Variants in IKBIP observed in about 807,000 individuals in gnomAD.
IKBIP encodes IKBKB interacting protein.
IKBIP carries 28 observed loss-of-function variants against 31.0 expected under a neutral mutation model. That is an observed-to-expected ratio of 0.90 (90% CI 0.67 to 1.24). The LOEUF (loss-of-function observed/expected upper bound fraction) is 1.24, where lower values mean the gene tolerates loss of function less well. Among genes scored for constraint, IKBIP ranks in the 50% most tolerant of loss-of-function variants. IKBIP has a pLI of 0.00. For synonymous variants in IKBIP, 164 were observed against 160.3 expected (o/e 1.02, Z -0.17); for missense variants, 453 against 441.9 (o/e 1.03, Z -0.23).
Position 98,644,673 on chromosome 12 carries a change from G to A in IKBIP, c.29C>T (p.Ser10Leu), listed in dbSNP as rs1368575262. Residue 10 changes from serine to leucine, a missense_variant, in exon 1 of 3, where the codon TCG (serine) becomes TTG (leucine). By Grantham distance (145) the Ser-to-Leu change is moderately radical. Coordinates refer to ENST00000299157, the MANE Select transcript of IKBIP (RefSeq NM_153687.4). MSEVKSRKKSGPKGAPAAEP... is the reference protein window; with the variant it reads MSEVKSRKKLGPKGAPAAEP... The stretch of plus-strand genomic sequence containing the variant: ...CGCAGCAGGGGCTCCCTTGGGCCCC[G>A]ACTTCTTCCGGCTCTTCACCTCAGA... 2.5e-6 allele frequency: 4 copies of A among 1,610,260 alleles called. No homozygotes were observed. Among genetic ancestry groups the A allele is most frequent in the Non-Finnish European group, 3.4e-6 (4 of 1,179,030 alleles).
chr12:98,636,864 C>G (rs2097626136), intron 1 of IKBIP, among the ~76,000 whole-genome samples: 1 of 151,372 alleles, frequency 6.6e-6, no homozygotes, highest in African/African-American at 2.4e-5. Flanking sequence ...AGAGACCACC[C>G]TAAAGAAATA....
At chr12:98,614,245 A>ATTT in exon 3 of IKBIP, 1 of 1,612,988 alleles carries the variant, frequency 6.2e-7, no homozygotes, top group Non-Finnish European at 8.5e-7. Context: ...TATTGGACCA[A>ATTT]GTTTTTACCT....
Position 98,634,305 on chromosome 12 carries a change from AATT to A in IKBIP, c.285_287del (p.Leu95_Ile96delinsPhe), listed in dbSNP as rs1048517318. The A allele has an allele frequency of 1.3e-6, 2 of 1,502,446 alleles. No individual in the cohort carries two copies. The highest frequency in any genetic ancestry group is 3.4e-5 in the Admixed American group (2 of 59,232). 93.1% of individuals were successfully genotyped at this position (1,502,446 alleles called of 1,614,324 possible). A position where few individuals can be genotyped will look rare whatever the true frequency, so the allele number is the denominator to read the frequency against. On this transcript the variant is annotated inframe_deletion, in exon 2 of 3. Transcript: ENST00000299157. ...GCCAATTAATGATTACCTTTTCTGA[AATT>A]AAACTGATTTTACTTTGAAGTTGTT...
chr12:98,614,468 AG>A, intron 2 of IKBIP: 1 of 516,182 alleles, frequency 1.9e-6, no homozygotes, highest in Non-Finnish European at 3.1e-6. Flanking sequence ...TCTGTTACCC[AG>A]GATGGAGTGC....
At chr12:98,642,734 G>A (rs1250147983) in intron 1 of IKBIP, among the ~76,000 whole-genome samples, 1 of 149,954 alleles carries the variant, frequency 6.7e-6, no homozygotes, top group East Asian at 2.0e-4. Flanking sequence ...CTGAGTAGCT[G>A]GGATTACAGG....
Position 98,626,486 on chromosome 12 carries a change from TGCTCA to T in IKBIP, c.573_577del (p.Glu192GlyfsTer7). The T allele has an allele frequency of 6.2e-7, 1 of 1,613,546 alleles. No homozygotes were observed. Among genetic ancestry groups the T allele is most frequent in the African/African-American group, 1.3e-5 (1 of 75,076 alleles). ...CCGTTCAGTGAGCAATTTTATTTCC[TGCTCA>T]GCTGAGTTAATTTGGACAGTTACTT... On this transcript the variant is annotated frameshift_variant, in exon 3 of 3. Transcript: ENST00000299157. LOFTEE classifies it high-confidence loss of function.
chr12:98,627,030 G>A (rs931023948), intron 2 of IKBIP, among the ~76,000 whole-genome samples: 1 of 152,066 alleles, frequency 6.6e-6, no homozygotes, highest in African/African-American at 2.4e-5. Flanking sequence ...GTGCAGTGGA[G>A]CAACCTCAGC....
At chr12:98,618,087 T>G (rs1476428226) in intron 2 of IKBIP, among the ~76,000 whole-genome samples, 1 of 152,138 alleles carries the variant, frequency 6.6e-6, no homozygotes, top group Non-Finnish European at 1.5e-5. Flanking sequence ...TAAAAAAGCT[T>G]GAGTCCAGGA....
exon 3 of IKBIP, chr12:98,613,923 T>C: frequency 1.2e-6 from 2 of 1,613,800 alleles, no homozygotes; most frequent in Non-Finnish European, 1.7e-6. Flanking sequence ...ACAGAGTTAA[T>C]TCTTTGTGAA....
chr12:98,614,366 G>A (rs549163116), intron 2 of IKBIP: 3 of 1,241,120 alleles, frequency 2.4e-6, no homozygotes, highest in Non-Finnish European at 3.3e-6. Context: ...ATATCACAAT[G>A]ATTAAATGTA....
intron 1 of IKBIP, 31 bp downstream of exon 1, chr12:98,644,492 G>GGCCT: frequency 6.5e-7 from 1 of 1,546,800 alleles, no homozygotes; most frequent in Non-Finnish European, 8.7e-7. Context: ...GCCCACAGGA[G>GGCCT]GCCGGCCCAG....
At chr12:98,629,832 C>G (rs1025156412) in intron 2 of IKBIP, among the ~76,000 whole-genome samples, 2 of 152,176 alleles carry the variant, frequency 1.3e-5, no homozygotes, top group Non-Finnish European at 2.9e-5. Flanking sequence ...CAAGTAAGTG[C>G]AAGATGTTAT....
chr12:98,616,340 T>TA, intron 2 of IKBIP, among the ~76,000 whole-genome samples: 1 of 140,260 alleles, frequency 7.1e-6, no homozygotes, highest in Middle Eastern at 3.6e-3. Flanking sequence ...TTTAATTGGG[T>TA]TTTTTTTTGC....
chr12:98,634,271 C>T, intron 2 of IKBIP, 25 bp downstream of exon 2: 1 of 1,123,736 alleles, frequency 8.9e-7, no homozygotes, highest in African/African-American at 1.5e-5. Flanking sequence ...GGAAAACCGT[C>T]CCAGATAAGC....
intron 1 of IKBIP, among the ~76,000 whole-genome samples, chr12:98,639,849 A>G (rs150819508): frequency 2.7e-3 from 409 of 152,336 alleles, no homozygotes; most frequent in Middle Eastern, 3.4e-3. Flanking sequence ...ATTTAGCCCT[A>G]TGTTTCATAC....
intron 2 of IKBIP, 37 bp downstream of exon 2, chr12:98,634,247 GGGGTAGTAAAAT>G: frequency 1.2e-6 from 1 of 844,704 alleles, no homozygotes; most frequent in Non-Finnish European, 2.0e-6. Context: ...AAATGATAGT[GGGGTAGTAAAAT>G]GGGAAAACCG....
chr12:98,623,553 C>T (rs1000793587), downstream of IKBIP, among the ~76,000 whole-genome samples: 5 of 142,298 alleles, frequency 3.5e-5, no homozygotes, highest in Middle Eastern at 3.5e-3. Flanking sequence ...CCTTACTCCT[C>T]CTTACACTTT....
intron 2 of IKBIP, among the ~76,000 whole-genome samples, chr12:98,633,013 C>A (rs541420674): frequency 6.6e-6 from 1 of 152,070 alleles, no homozygotes; most frequent in Non-Finnish European, 1.5e-5. Context: ...TCCATGGAAT[C>A]CCCTGGCATT....
At chr12:98,627,279 T>TA (rs11412272) in intron 2 of IKBIP, among the ~76,000 whole-genome samples, 41,223 of 142,800 alleles carry the variant, frequency 0.29, 6,229 homozygotes, top group Admixed American at 0.4. Flanking sequence ...AGCACTATGT[T>TA]AAAAAAAAAA....
Sources: allele counts gnomAD v4.1 joint callset (sites outside exome capture counted in the v4.1 genomes callset), GRCh38; gene constraint gnomAD v4.1.1; transcripts MANE v1.5; gene names NCBI Gene and HGNC (gene_info 2026-07-23, HGNC 2026-07-21).